RAP1GDS1: variants seen among roughly 807,000 people sequenced by gnomAD.
RAP1GDS1 encodes the protein Rap1 GTPase-GDP dissociation stimulator 1, also known as RAP1, GTP-GDP dissociation stimulator 1.
A neutral mutation model predicts 71.1 loss-of-function variants in RAP1GDS1; 35 were observed. The ratio of observed to expected loss-of-function variants is 0.49; its 90% CI spans 0.38 to 0.65. RAP1GDS1 has a LOEUF of 0.65. Ranked by LOEUF, RAP1GDS1 falls within the 30% of genes least tolerant of loss-of-function variation. RAP1GDS1 has a pLI of 0.00. For synonymous variants in RAP1GDS1, 229 were observed against 243.1 expected (o/e 0.94, Z 0.54); for missense variants, 663 against 706.1 (o/e 0.94, Z 0.69).
At chr4:98,311,407 T>C (rs1351892502) in intron 2 of RAP1GDS1, among the ~76,000 whole-genome samples, 1 of 152,182 alleles carries the variant, frequency 6.6e-6, no homozygotes, top group Non-Finnish European at 1.5e-5. Context: ...AATAACTCTG[T>C]AAAATGGGAA....
Position 98,416,783 on chromosome 4 carries a change from G to C in RAP1GDS1, c.802G>C (p.Glu268Gln). The change falls in exon 8 of 15, where the codon GAG becomes CAG. Residue 268 changes from glutamate (E) to glutamine (Q), a missense_variant. Coordinates refer to ENST00000408927, the MANE Select transcript of RAP1GDS1 (RefSeq NM_001100427.2). Reference sequence around the variant, plus strand: ...ACAGCTGGTTGAAGCAGGCCTAGTAGAGTGTCTACTAGAGATTGTTCAGCA... The same window carrying C: ...ACAGCTGGTTGAAGCAGGCCTAGTACAGTGTCTACTAGAGATTGTTCAGCA... Reference protein sequence around the residue: ...KLQLVEAGLVECLLEIVQQKV... With the variant: ...KLQLVEAGLVQCLLEIVQQKV... The C allele has an allele frequency of 6.2e-7, 1 of 1,610,620 alleles. No homozygotes were observed. Among genetic ancestry groups the C allele is most frequent in the African/African-American group, 1.3e-5 (1 of 74,920 alleles).
Position 98,412,220 on chromosome 4 carries a change from T to C in RAP1GDS1, c.764-4525T>C, listed in dbSNP as rs371820441. Among the ~76,000 whole-genome samples the C allele has an allele frequency of 3.9e-5, 6 of 152,266 alleles. No homozygotes were observed. In the South Asian group the frequency reaches 1.0e-3, roughly 26 times the overall value. On this transcript the variant is annotated intron_variant, in intron 7 of 14. Coordinates refer to ENST00000408927, the MANE Select transcript of RAP1GDS1 (RefSeq NM_001100427.2). ...CAACTGAAAAAATAAAGTTTAAATT[T>C]AAAAATTTCTGGCCAGGTACAGTGG...
intron 2 of RAP1GDS1, among the ~76,000 whole-genome samples, chr4:98,341,661 A>G (rs1484761255): frequency 6.6e-6 from 1 of 152,192 alleles, no homozygotes; most frequent in African/African-American, 2.4e-5. Flanking sequence ...ATGGTCAGAA[A>G]AGGAAAGATT....
At chr4:98,422,195 G>A (rs139552634) in intron 12 of RAP1GDS1, among the ~76,000 whole-genome samples, 2,743 of 151,918 alleles carry the variant, frequency 0.018, 35 homozygotes, top group South Asian at 0.053. Flanking sequence ...GCAAGACTCC[G>A]TCTCAAAATA....
chr4:98,285,009 C>T (rs1250439501), intron 1 of RAP1GDS1, among the ~76,000 whole-genome samples: 1 of 152,144 alleles, frequency 6.6e-6, no homozygotes, highest in Non-Finnish European at 1.5e-5. Context: ...AAGTAGAGAC[C>T]AGCCATCTTG....
chr4:98,391,226 CAATT>C (rs946893258), intron 5 of RAP1GDS1, among the ~76,000 whole-genome samples: 2 of 152,038 alleles, frequency 1.3e-5, no homozygotes, highest in Non-Finnish European at 2.9e-5. Flanking sequence ...ACTTCAAAAT[CAATT>C]AGTTTCTTAG....
chr4:98,435,255 C>T (rs896045290), intron 13 of RAP1GDS1, among the ~76,000 whole-genome samples: 22 of 152,156 alleles, frequency 1.4e-4, no homozygotes, highest in African/African-American at 5.1e-4. Context: ...AGAGGAAACA[C>T]TCATGTGAGT....
At chr4:98,302,240 G>A (rs144233588) in intron 2 of RAP1GDS1, among the ~76,000 whole-genome samples, 1,663 of 152,228 alleles carry the variant, frequency 0.011, 7 homozygotes, top group Non-Finnish European at 0.018. Context: ...ATGAAGAGAA[G>A]AAACCTTCAA....
chr4:98,316,622 T>A (rs1730980136), intron 2 of RAP1GDS1, among the ~76,000 whole-genome samples: 1 of 152,102 alleles, frequency 6.6e-6, no homozygotes, highest in East Asian at 1.9e-4. Context: ...AAATACAATG[T>A]TACCAGATGG....
At chr4:98,372,838 C>T (rs1740594831) in intron 4 of RAP1GDS1, among the ~76,000 whole-genome samples, 2 of 152,106 alleles carry the variant, frequency 1.3e-5, no homozygotes, top group African/African-American at 4.8e-5. Context: ...GTGCATGCCA[C>T]AATGCCTGGC....
At chr4:98,350,018 CTTT>C (rs1341425251) in intron 3 of RAP1GDS1, among the ~76,000 whole-genome samples, 3 of 152,064 alleles carry the variant, frequency 2.0e-5, no homozygotes, top group African/African-American at 7.2e-5. Context: ...AATATATTAG[CTTT>C]GTTTTATCTT....
At chr4:98,286,714 G>T (rs946883668) in intron 1 of RAP1GDS1, among the ~76,000 whole-genome samples, 3 of 151,592 alleles carry the variant, frequency 2.0e-5, no homozygotes. Context: ...GTGAAACCCC[G>T]TGTCTACTAA....
At chr4:98,319,586 G>A (rs1283048723) in intron 2 of RAP1GDS1, among the ~76,000 whole-genome samples, 1 of 151,926 alleles carries the variant, frequency 6.6e-6, no homozygotes, top group Non-Finnish European at 1.5e-5. Flanking sequence ...TTCAAGACCA[G>A]ACTGGCCAAC....
In RAP1GDS1 at chr4:98,379,164, G is replaced by A. The variant is rs376956544; in HGVS notation, c.508+1G>A. On this transcript the variant is annotated splice_donor_variant, in intron 5 of 14. Coordinates refer to ENST00000408927, the MANE Select transcript of RAP1GDS1 (RefSeq NM_001100427.2). LOFTEE classifies it high-confidence loss of function. The stretch of plus-strand genomic sequence containing the variant: ...CTGATGAACTATAGCAATGAGAATG[G>A]TAAACAAAACTGAAAACTTGCTTTA... 8.9e-6 allele frequency: 14 copies of A among 1,572,924 alleles called. No homozygotes were observed. The highest frequency in any genetic ancestry group is 1.2e-5 in the Non-Finnish European group (14 of 1,163,600).
intron 4 of RAP1GDS1, among the ~76,000 whole-genome samples, chr4:98,356,843 GTTTA>G (rs1355191737): frequency 6.6e-6 from 1 of 151,842 alleles, no homozygotes; most frequent in Non-Finnish European, 1.5e-5. Context: ...GTGAAATATT[GTTTA>G]TTCATTGACA....
intron 2 of RAP1GDS1, among the ~76,000 whole-genome samples, chr4:98,308,374 G>A (rs1250084332): frequency 2.8e-5 from 4 of 140,468 alleles, no homozygotes; most frequent in Admixed American, 7.5e-5. Context: ...CCAGCTATGT[G>A]GAAGGCTGAT....
chr4:98,328,815 A>G (rs932169606), intron 2 of RAP1GDS1, among the ~76,000 whole-genome samples: 1 of 152,202 alleles, frequency 6.6e-6, no homozygotes, highest in African/African-American at 2.4e-5. Context: ...ATTTTTATCA[A>G]AGATAATCAG....
chr4:98,378,943 T>G, intron 4 of RAP1GDS1, 74 bp from the exon 5 acceptor site: 2 of 1,305,880 alleles, frequency 1.5e-6, no homozygotes, highest in Non-Finnish European at 2.1e-6. Flanking sequence ...AATAACACTG[T>G]TATGTTTTGT....
intron 5 of RAP1GDS1, 126 bp from the exon 6 acceptor site, chr4:98,391,826 C>CTAT (rs1743720199): frequency 1.1e-6 from 1 of 922,616 alleles, no homozygotes; most frequent in East Asian, 2.8e-5. Flanking sequence ...ACTTCATTTT[C>CTAT]TATTACTGTA....
Sources: allele counts gnomAD v4.1 joint callset (sites outside exome capture counted in the v4.1 genomes callset), GRCh38; gene constraint gnomAD v4.1.1; transcripts MANE v1.5; gene names NCBI Gene and HGNC (gene_info 2026-07-23, HGNC 2026-07-21).